ASTN2: variants seen among roughly 807,000 people sequenced by gnomAD.
The protein encoded by ASTN2 is astrotactin-2.
Under a neutral mutation model 139.8 loss-of-function variants are expected in ASTN2, and 54 were observed. The ratio of observed to expected loss-of-function variants is 0.39; its 90% confidence interval spans 0.31 to 0.48. The LOEUF is 0.48. ASTN2 is among the 20% of genes least tolerant of loss of function. The pLI, the probability that ASTN2 is intolerant of heterozygous loss-of-function variation, is 0.95. For synonymous variants in ASTN2, 756 were observed against 719.5 expected, an observed-to-expected ratio of 1.05 and a Z score of -0.81; for missense variants, 1,565 against 1,725.1, an observed-to-expected ratio of 0.91 and a Z score of 1.64.
chr9:117,115,921 A>G (rs1179861130), intron 4 of ASTN2, among the ~76,000 whole-genome samples: 2 of 151,962 alleles, frequency 1.3e-5, no homozygotes, highest in African/African-American at 2.4e-5. Flanking sequence ...GCTACTCGGC[A>G]GGCTGAGGCA....
At chr9:117,363,228 T>C (rs1829741599) in intron 1 of ASTN2, among the ~76,000 whole-genome samples, 1 of 152,200 alleles carries the variant, frequency 6.6e-6, no homozygotes, top group East Asian at 1.9e-4. Context: ...TGTACGTTCA[T>C]TCATGAAGCA....
In ASTN2 at chr9:116,605,706, C is replaced by CTAGTTT. The variant is rs201542525; in HGVS notation, c.3355+12617_3355+12618insAAACTA. On this transcript the variant is annotated intron_variant, in intron 19 of 22. Transcript: ENST00000313400. Reference sequence around the variant, plus strand: ...ATCCCCTTTACAAGATCAGAGCTCACTAGTTGCTCACTAGTTGCTGTCAGT... The same window carrying CTAGTTT: ...ATCCCCTTTACAAGATCAGAGCTCACTAGTTTTAGTTGCTCACTAGTTGCTGTCAGT... Among the ~76,000 whole-genome samples the CTAGTTT allele has an allele frequency of 5.8e-3, 887 of 152,232 alleles. 11 individuals are homozygous for CTAGTTT. Among genetic ancestry groups the CTAGTTT allele is most frequent in the African/African-American group, 0.02 (845 of 41,540 alleles).
chr9:117,032,773 G>A (rs1320510415), intron 6 of ASTN2, among the ~76,000 whole-genome samples: 1 of 152,102 alleles, frequency 6.6e-6, no homozygotes, highest in Non-Finnish European at 1.5e-5. Flanking sequence ...CCAGCTACAT[G>A]TGTGGCATAT....
chr9:116,880,019 G>T (rs1248953262), intron 10 of ASTN2, among the ~76,000 whole-genome samples: 1 of 151,950 alleles, frequency 6.6e-6, no homozygotes, highest in Non-Finnish European at 1.5e-5. Context: ...TTCCTTTATT[G>T]ACATATTAAG....
chr9:116,738,316 C>T lies in ASTN2; in HGVS notation c.2397-4793G>A, dbSNP rs1323865581. Among the ~76,000 whole-genome samples the T allele has an allele frequency of 2.0e-5, 3 of 151,690 alleles. No homozygotes were observed. The East Asian group carries it at 5.8e-4, about 30-fold the overall frequency. On this transcript the variant is annotated intron_variant, in intron 13 of 22. Coordinates refer to ENST00000313400, the MANE Select transcript of ASTN2 (RefSeq NM_001365068.1). ...AGGAGTTCAAGACCAACTTGGCCAA[C>T]ATGGTGAAACCCCATCTCTACTAAA...
At chr9:116,919,061 A>G (rs1375724884) in intron 10 of ASTN2, among the ~76,000 whole-genome samples, 1 of 151,740 alleles carries the variant, frequency 6.6e-6, no homozygotes, top group Non-Finnish European at 1.5e-5. Context: ...TCTAAAAGGG[A>G]GCTGACAGTT....
intron 3 of ASTN2, among the ~76,000 whole-genome samples, chr9:117,191,431 T>C (rs185773782): frequency 1.1e-3 from 167 of 152,288 alleles, no homozygotes; most frequent in African/African-American, 3.8e-3. Flanking sequence ...GGCTATTCAA[T>C]GGGGCATACA....
At chr9:117,377,294 C>G (rs1830148820) in intron 1 of ASTN2, among the ~76,000 whole-genome samples, 1 of 152,062 alleles carries the variant, frequency 6.6e-6, no homozygotes, top group Non-Finnish European at 1.5e-5. Flanking sequence ...AGCCACCTCC[C>G]CATTCTGCAA....
rs573944703 is a variant in ASTN2 at position 116,724,085 on chromosome 9, T to C, written c.2806+1686A>G. Among the ~76,000 whole-genome samples the C allele has an allele frequency of 1.1e-4, 17 of 152,278 alleles. No individual in the cohort carries two copies. The East Asian group carries it at 3.1e-3, about 28-fold the overall frequency. ...AGCTAAGGATGGAGAAGGGGTGGGA[T>C]TTAGAATCAGAGTAGTGTCCCAAGC... is the stretch of plus-strand genomic sequence containing the variant. On this transcript the variant is annotated intron_variant, in intron 16 of 22. Transcript: ENST00000313400.
chr9:117,182,423 G>A (rs1831097906), intron 3 of ASTN2, among the ~76,000 whole-genome samples: 1 of 152,038 alleles, frequency 6.6e-6, no homozygotes, highest in Admixed American at 6.6e-5. Context: ...TGAGCAGAGT[G>A]TTCTCACACC....
intron 22 of ASTN2, among the ~76,000 whole-genome samples, chr9:116,439,197 T>C (rs1221428356): frequency 7.2e-5 from 7 of 97,146 alleles, no homozygotes; most frequent in African/African-American, 2.9e-4. Flanking sequence ...CAAATACATT[T>C]TTTTTTTTTT....
rs978909516 is a variant in ASTN2, at chr9:116,837,894, G to C, written c.2041-17111C>G. On this transcript the variant is annotated intron_variant, in intron 11 of 22. Transcript: ENST00000313400. ...GAAAGGCAGGTGGGGTAAAGGAACA[G>C]CACTAGTCTTAGAACCAGCCTTTTA... Among the ~76,000 whole-genome samples, 58 of 152,198 alleles carry C rather than the reference G, an allele frequency of 3.8e-4. 1 individual carries two copies. The highest frequency in any genetic ancestry group is 8.2e-4 in the African/African-American group (34 of 41,450).
At chr9:116,813,288 G>T (rs1831217473) in intron 12 of ASTN2, among the ~76,000 whole-genome samples, 2 of 152,300 alleles carry the variant, frequency 1.3e-5, no homozygotes, top group South Asian at 4.1e-4. Context: ...AACTAGATGG[G>T]ATTTTAGAGA....
chr9:116,685,728 A>G (rs1860162174), intron 16 of ASTN2, among the ~76,000 whole-genome samples: 1 of 152,146 alleles, frequency 6.6e-6, no homozygotes, highest in Non-Finnish European at 1.5e-5. Flanking sequence ...TTAACTGGTA[A>G]TAAACATTAA....
intron 10 of ASTN2, among the ~76,000 whole-genome samples, chr9:116,882,006 A>C (rs1833461568): frequency 1.3e-5 from 2 of 152,234 alleles, no homozygotes; most frequent in South Asian, 2.1e-4. Context: ...TTAAGCACTC[A>C]GTGCCTCAAG....
chr9:116,766,340 C>T (rs573402386), intron 13 of ASTN2, among the ~76,000 whole-genome samples: 1 of 152,154 alleles, frequency 6.6e-6, no homozygotes, highest in South Asian at 2.1e-4. Context: ...ACATCACACA[C>T]ATTCACACTC....
chr9:116,520,312 G>C (rs1464833403), intron 19 of ASTN2, among the ~76,000 whole-genome samples: 1 of 151,996 alleles, frequency 6.6e-6, no homozygotes. Context: ...ATGATCAAGT[G>C]GATTTCATGC....
At chr9:116,792,993 G>T (rs561921688) in intron 13 of ASTN2, among the ~76,000 whole-genome samples, 1 of 152,016 alleles carries the variant, frequency 6.6e-6, no homozygotes, top group Non-Finnish European at 1.5e-5. Context: ...CTGAATATTG[G>T]GTACTATGCT....
At chr9:117,308,423 A>G (rs1003817031) in intron 1 of ASTN2, among the ~76,000 whole-genome samples, 2 of 152,206 alleles carry the variant, frequency 1.3e-5, no homozygotes, top group African/African-American at 4.8e-5. Context: ...TGAAGGCACT[A>G]TTCTAAGGCA....
Sources: gnomAD v4.1 joint callset for allele counts (sites outside exome capture counted in the v4.1 genomes callset) on GRCh38, gnomAD v4.1.1 for gene constraint, MANE v1.5 for transcripts, NCBI Gene and HGNC (gene_info 2026-07-23, HGNC 2026-07-21) for gene names.